TMEM201: variants seen among roughly 807,000 people sequenced by gnomAD.
The protein encoded by TMEM201 is RP13-15M17.2.
TMEM201 carries 26 observed loss-of-function variants against 63.4 expected under a neutral mutation model. The observed-to-expected ratio is 0.41, with a 90% CI of 0.30 to 0.57. The LOEUF (loss-of-function observed/expected upper bound fraction) is 0.57, where lower values mean the gene tolerates loss of function less well. Among genes scored for constraint, TMEM201 ranks in the 20% least tolerant of loss-of-function variants. The pLI is 0.29. For missense variants in TMEM201, 794 were observed against 917.7 expected (o/e 0.87, Z 1.74); for synonymous variants, 417 against 421.6 (o/e 0.99, Z 0.14).
chr1:9,599,990 G>A (rs928591095), intron 4 of TMEM201, among the ~76,000 whole-genome samples: 4 of 152,202 alleles, frequency 2.6e-5, no homozygotes, highest in Non-Finnish European at 5.9e-5. Flanking sequence ...ATTCAGACCA[G>A]GAACAAGGCA....
At chr1:9,594,013 C>T (rs1165467953) in intron 1 of TMEM201, among the ~76,000 whole-genome samples, 1 of 152,268 alleles carries the variant, frequency 6.6e-6, no homozygotes, top group Non-Finnish European at 1.5e-5. Flanking sequence ...GAGTCTCCTT[C>T]CCTGGCTGTT....
Position 9,613,768 on chromosome 1 carries a change from C to G in TMEM201, c.*685C>G, listed in dbSNP as rs1644356163. On this transcript the variant is annotated 3_prime_UTR_variant, in exon 11 of 11. Transcript: ENST00000340381. ...TCTGTTGACCTTCCTGGAAGCAGCC[C>G]CATTACCCTGAGAATGCGGAGCGCC... is the stretch of plus-strand genomic sequence containing the variant. 1 of 152,582 alleles carries G rather than the reference C, an allele frequency of 6.6e-6. No homozygotes were observed. The highest frequency in any genetic ancestry group is 1.5e-5 in the Non-Finnish European group (1 of 68,350). The allele number at this position is 152,582 out of a possible 1,614,324, so 9.5% of individuals were successfully genotyped here.
chr1:9,604,561 G>A lies in TMEM201; in HGVS notation c.1160+2289G>A. The stretch of plus-strand genomic sequence containing the variant: ...GCCAGGGAACTCTTCTCCTCGCGGG[G>A]GACTTGGGATGGCCATCAGACCTTC... On this transcript the variant is annotated intron_variant, in intron 6 of 10. Coordinates refer to ENST00000340381, the MANE Select transcript of TMEM201 (RefSeq NM_001130924.3). This position sits in a 1 kb window ranked among gnomAD's most constrained non-coding sequence, Gnocchi z 4.1. The A allele has an allele frequency of 1.0e-6, 1 of 985,432 alleles. No individual in the cohort carries two copies. The highest frequency in any genetic ancestry group is 1.2e-6 in the Non-Finnish European group (1 of 829,946). 61.0% of individuals were successfully genotyped at this position (985,432 alleles called of 1,614,324 possible).
chr1:9,592,923 G>A (rs1643945900), intron 1 of TMEM201, among the ~76,000 whole-genome samples: 1 of 152,228 alleles, frequency 6.6e-6, no homozygotes, highest in Non-Finnish European at 1.5e-5. Flanking sequence ...ACCGTTGTGG[G>A]CAGGGGCAGC....
Position 9,613,174 on chromosome 1 carries a change from C to G in TMEM201, c.*91C>G. On this transcript the variant is annotated 3_prime_UTR_variant, in exon 11 of 11. Coordinates refer to ENST00000340381, the MANE Select transcript of TMEM201 (RefSeq NM_001130924.3). ...GGACCCTCCCTGGAGGGGCTGCCAC[C>G]TCTGCCCTCATCTCCAGGGCCTTGA... The G allele has an allele frequency of 7.8e-7, 1 of 1,274,174 alleles. No individual in the cohort carries two copies. 78.9% of individuals were successfully genotyped at this position (1,274,174 alleles called of 1,614,324 possible).
At chr1:9,594,265 G>A (rs1235690169) in intron 1 of TMEM201, among the ~76,000 whole-genome samples, 2 of 152,250 alleles carry the variant, frequency 1.3e-5, no homozygotes, top group Admixed American at 6.5e-5. Context: ...GGCCTTGCCC[G>A]CTGTCTCCAT....
intron 1 of TMEM201, among the ~76,000 whole-genome samples, chr1:9,593,838 G>C (rs1643963572): frequency 6.6e-6 from 1 of 152,198 alleles, no homozygotes; most frequent in Non-Finnish European, 1.5e-5. Flanking sequence ...AGGGGTGGGG[G>C]GTCACACAAG....
In TMEM201 at chr1:9,607,917, G is replaced by A; in HGVS notation, c.1393+128G>A. ...TCCTGCTGCAGAGACAGGCAGCACA[G>A]AGCTTTGAGCCTCAGTTCCCCCCAA... On this transcript the variant is annotated intron_variant, in intron 7 of 10. Coordinates refer to ENST00000340381, the MANE Select transcript of TMEM201 (RefSeq NM_001130924.3). The surrounding 1 kb of genome is among the most constrained non-coding windows in gnomAD (Gnocchi z 5.4). 1.1e-6 allele frequency: 1 copy of A among 897,814 alleles called. No individual in the cohort carries two copies. The highest frequency in any genetic ancestry group is 1.7e-6 in the Non-Finnish European group (1 of 605,406). 55.6% of individuals were successfully genotyped at this position (897,814 alleles called of 1,614,324 possible).
At chr1:9,597,228 A>T (rs1288017654) in intron 3 of TMEM201, among the ~76,000 whole-genome samples, 175 bp downstream of exon 3, 1 of 152,166 alleles carries the variant, frequency 6.6e-6, no homozygotes, top group Admixed American at 6.5e-5. Context: ...CACTGCCAGC[A>T]CATTCCAGGA....
chr1:9,591,392 A>T lies in TMEM201; in HGVS notation c.113+2349A>T, dbSNP rs536237321. ...GCCCAGCTTCAACCTCTGGGTGCTCATGGAGCCCCTTGGCTGCTTCTCTGC... is the reference window on the plus strand; with the variant it reads ...GCCCAGCTTCAACCTCTGGGTGCTCTTGGAGCCCCTTGGCTGCTTCTCTGC... On this transcript the variant is annotated intron_variant, in intron 1 of 10. Coordinates refer to ENST00000340381, the MANE Select transcript of TMEM201 (RefSeq NM_001130924.3). Among the ~76,000 whole-genome samples, 4 of 152,348 alleles carry T rather than the reference A, an allele frequency of 2.6e-5. No homozygotes were observed. In the East Asian group the frequency reaches 5.8e-4, roughly 22 times the overall value.
At chr1:9,591,683 A>G (rs984220623) in intron 1 of TMEM201, among the ~76,000 whole-genome samples, 2 of 152,212 alleles carry the variant, frequency 1.3e-5, no homozygotes, top group Non-Finnish European at 2.9e-5. Flanking sequence ...TTGGGGACAA[A>G]GAGGATGCAG....
chr1:9,588,964 C>A lies in TMEM201; in HGVS notation c.34C>A (p.Pro12Thr). The A allele has an allele frequency of 7.9e-7, 1 of 1,266,384 alleles. No individual in the cohort carries two copies. The highest frequency in any genetic ancestry group is 1.0e-6 in the Non-Finnish European group (1 of 988,676). 78.4% of individuals were successfully genotyped at this position (1,266,384 alleles called of 1,614,324 possible). A position where few individuals can be genotyped will look rare whatever the true frequency, so the allele number is the denominator to read the frequency against. Residue 12 changes from proline to threonine, a missense_variant, in exon 1 of 11, where the codon CCC becomes ACC. Physicochemically the swap from Pro to Thr is conservative, Grantham distance 38. Transcript: ENST00000340381. ...EGVSALLARC[P>T]TAGLAGGLGV... is the part of the protein sequence containing the mutation. ...AGTGAGCGCGCTGCTGGCCCGCTGC[C>A]CCACGGCCGGCCTGGCCGGCGGCCT... is the stretch of plus-strand genomic sequence containing the variant.
Position 9,603,054 on chromosome 1 carries a change from C to CT in TMEM201, c.1160+786dup, listed in dbSNP as rs1290149205. 4 of 985,378 alleles carry CT rather than the reference C, an allele frequency of 4.1e-6. No individual in the cohort carries two copies. In the African/African-American group the frequency reaches 7.0e-5, roughly 17 times the overall value. The allele number at this position is 985,378 out of a possible 1,614,324, so 61.0% of individuals were successfully genotyped here. On this transcript the variant is annotated intron_variant, in intron 6 of 10. Coordinates refer to ENST00000340381, the MANE Select transcript of TMEM201 (RefSeq NM_001130924.3). This position sits in a 1 kb window ranked among gnomAD's most constrained non-coding sequence, Gnocchi z 4.5. Reference sequence around the variant, plus strand: ...CTGTGCTGACCTTGGGGAATCTGAGCTTTTCCAAGGGTAAGGGGCCCAGGG... The same window carrying CT: ...CTGTGCTGACCTTGGGGAATCTGAGCTTTTTCCAAGGGTAAGGGGCCCAGGG...
Position 9,607,647 on chromosome 1 carries a change from G to A in TMEM201, c.1251G>A (p.Leu417=). 1.3e-6 allele frequency: 2 copies of A among 1,551,884 alleles called. No homozygotes were observed. The highest frequency in any genetic ancestry group is 1.2e-5 in the South Asian group (1 of 84,062). Residue 417 remains leucine, a synonymous_variant, in exon 7 of 11, where the codon CTG becomes CTA. Coordinates refer to ENST00000340381, the MANE Select transcript of TMEM201 (RefSeq NM_001130924.3). This position sits in a 1 kb window ranked among gnomAD's most constrained non-coding sequence, Gnocchi z 5.4. ...GTGTCGGAGGCTCTCCAGCGTCTCT[G>A]TTCATCCCCAGCCCGCCCAGCTTCC... The part of the protein sequence containing the change: ...HPSVGGSPAS[L]FIPSPPSFLP...
chr1:9,591,119 T>C (rs778934979), intron 1 of TMEM201, among the ~76,000 whole-genome samples: 1 of 152,212 alleles, frequency 6.6e-6, no homozygotes, highest in African/African-American at 2.4e-5. Flanking sequence ...TCCCACAGCC[T>C]CAGTCAGGGC....
chr1:9,614,582 C>G lies in TMEM201; in HGVS notation c.*1499C>G, dbSNP rs773265487. On this transcript the variant is annotated 3_prime_UTR_variant, in exon 11 of 11. Transcript: ENST00000340381. ...TGGTTCCAACTCGGAGGCAGCGCCT[C>G]TTGGTCCCCATTTCTGTATAGCAGG... is the stretch of plus-strand genomic sequence containing the variant. 6 of 152,146 alleles carry G rather than the reference C, an allele frequency of 3.9e-5. No homozygotes were observed. The highest frequency in any genetic ancestry group is 8.8e-5 in the Non-Finnish European group (6 of 68,032). 9.4% of individuals were successfully genotyped at this position (152,146 alleles called of 1,614,324 possible). A position where few individuals can be genotyped will look rare whatever the true frequency, so the allele number is the denominator to read the frequency against.
intron 7 of TMEM201, among the ~76,000 whole-genome samples, chr1:9,609,493 G>A (rs145807785): frequency 9.2e-5 from 14 of 152,272 alleles, no homozygotes; most frequent in Middle Eastern, 3.4e-3. Flanking sequence ...GGCATGGAAC[G>A]AGGAGTGGAC....
intron 6 of TMEM201, chr1:9,606,238 A>T (rs1391364260): frequency 6.6e-6 from 1 of 152,268 alleles, no homozygotes; most frequent in Non-Finnish European, 1.5e-5. Flanking sequence ...GGGCCTGGGA[A>T]TCACAGGTCA....
chr1:9,588,912 T>C lies in TMEM201; in HGVS notation c.-19T>C. The C allele has an allele frequency of 8.1e-7, 1 of 1,236,626 alleles. No individual in the cohort carries two copies. The highest frequency in any genetic ancestry group is 1.0e-6 in the Non-Finnish European group (1 of 965,370). The allele number at this position is 1,236,626 out of a possible 1,614,324, so 76.6% of individuals were successfully genotyped here. The stretch of plus-strand genomic sequence containing the variant: ...CGCCTACCCCCCTGCCGGCCTGCCG[T>C]CCTTCCACGCGGAGAGCCATGGAGG... On this transcript the variant is annotated 5_prime_UTR_variant, in exon 1 of 11. Transcript: ENST00000340381.
Sources: allele counts gnomAD v4.1 joint callset (sites outside exome capture counted in the v4.1 genomes callset), GRCh38; gene constraint gnomAD v4.1.1; non-coding constraint Gnocchi (gnomAD v3.1); transcripts MANE v1.5; gene names NCBI Gene and HGNC (gene_info 2026-07-23, HGNC 2026-07-21).